SMC6: variants seen among roughly 807,000 people sequenced by gnomAD.
The protein encoded by SMC6 is structural maintenance of chromosomes protein 6.
A neutral mutation model predicts 142.2 loss-of-function variants in SMC6; 79 were observed. The observed-to-expected ratio is 0.56, with a 90% CI of 0.46 to 0.67. The LOEUF is 0.67. Among genes scored for constraint, SMC6 ranks in the 30% least tolerant of loss-of-function variants. The pLI, the probability that SMC6 is intolerant of heterozygous loss-of-function variation, is 0.00. For missense variants in SMC6, 1,072 were observed against 1,284.0 expected (o/e 0.83, Z 2.52); for synonymous variants, 411 against 412.4 (o/e 1.00, Z 0.04).
intron 6 of SMC6, 112 bp from the exon 7 acceptor site, chr2:17,731,251 A>T (rs1404633847): frequency 1.4e-6 from 1 of 707,284 alleles, no homozygotes; most frequent in Non-Finnish European, 2.4e-6. Context: ...TGCATCATCA[A>T]GAAAGGTACC....
chr2:17,749,951 T>C (rs1440524435), intron 2 of SMC6, among the ~76,000 whole-genome samples: 3 of 152,250 alleles, frequency 2.0e-5, no homozygotes, highest in Non-Finnish European at 4.4e-5. Flanking sequence ...TACCACATCC[T>C]CAATTCTACT....
At chr2:17,718,371 A>C (rs990026113) in intron 11 of SMC6, 148 bp from the exon 12 acceptor site, 3 of 466,142 alleles carry the variant, frequency 6.4e-6, no homozygotes, top group Non-Finnish European at 7.1e-6. Context: ...TATATAAAAT[A>C]CTATAATATA....
chr2:17,721,289 AT>A (rs1237720450), intron 9 of SMC6, 28 bp from the exon 10 acceptor site: 2 of 1,527,426 alleles, frequency 1.3e-6, no homozygotes, highest in East Asian at 2.3e-5. Context: ...GAACGGACGT[AT>A]TTTTTATTAA....
At chr2:17,714,833 G>A (rs1668999728) in intron 16 of SMC6, 28 bp downstream of exon 16, 1 of 1,602,268 alleles carries the variant, frequency 6.2e-7, no homozygotes, top group African/African-American at 1.3e-5. Flanking sequence ...AGCAAAGCCA[G>A]AAACATATTC....
Position 17,731,062 on chromosome 2 carries a change from C to T in SMC6, c.543+16G>A, listed in dbSNP as rs767712076. ...AAGGTGTATGAATTAATCTGAAACA[C>T]AAATTCACCAATTACCTGGATGTTA... On this transcript the variant is annotated intron_variant, in intron 7 of 27. Coordinates refer to ENST00000448223, the MANE Select transcript of SMC6 (RefSeq NM_001142286.2). The T allele has an allele frequency of 6.2e-7, 1 of 1,600,054 alleles. No individual in the cohort carries two copies.
intron 1 of SMC6, among the ~76,000 whole-genome samples, chr2:17,753,294 TAC>T (rs958779601): frequency 3.2e-5 from 2 of 61,634 alleles, no homozygotes; most frequent in African/African-American, 1.9e-4. Context: ...CTCCCCGCTT[TAC>T]AGTTATTCGC....
chr2:17,742,812 C>T (rs928290466), intron 3 of SMC6, among the ~76,000 whole-genome samples: 6 of 152,088 alleles, frequency 3.9e-5, no homozygotes, highest in Non-Finnish European at 7.4e-5. Context: ...ACTCAGTTTC[C>T]GCCCATTGTA....
rs749046123 is a variant in SMC6 at position 17,718,211 on chromosome 2, C to T, written c.958G>A (p.Glu320Lys). 1.1e-5 allele frequency: 17 copies of T among 1,598,378 alleles called. 2 individuals carry two copies. In the South Asian group the frequency reaches 2.0e-4, roughly 18 times the overall value. The part of the protein sequence containing the change: ...KMEEQQVRLN[E>K]AEQKYKDIQD... The stretch of plus-strand genomic sequence containing the variant: ...ATATCCTTGTACTTTTGTTCTGCCT[C>T]ATTAAGTCTGACCTTTAAGAAAATA... Residue 320 changes from glutamate to lysine, a missense_variant, in exon 12 of 28, where the codon GAG (glutamate) becomes AAG (lysine). Coordinates refer to ENST00000448223, the MANE Select transcript of SMC6 (RefSeq NM_001142286.2).
rs1668672801 is a variant in SMC6 at position 17,708,728 on chromosome 2, T to C, written c.1756A>G (p.Thr586Ala). The change falls in exon 17 of 28, where the codon ACA becomes GCA. Residue 586 changes from threonine (T) to alanine (A), a missense_variant. Thr to Ala is a moderately conservative substitution (Grantham distance 58). Around this residue, in one of 3 missense-constraint regions of SMC6, gnomAD observed 994 missense variants for 1,153.2 expected, o/e 0.86. Transcript: ENST00000448223. ...TCTATTTCTAAAGCTGTCAGAACTG[T>C]TGGAAAGTCTGGATGATAAGCAGCT... ...HRAAYHPDFP[T>A]VLTALEIDNA... The C allele has an allele frequency of 1.9e-6, 3 of 1,542,338 alleles. No homozygotes were observed. The highest frequency in any genetic ancestry group is 2.6e-6 in the Non-Finnish European group (3 of 1,142,660).
Position 17,726,390 on chromosome 2 carries a change from T to C in SMC6, c.623A>G (p.Lys208Arg), listed in dbSNP as rs751802647. ...TATATTTACTTTGGTGCCACTTACT[T>C]TGTATTTGTCTCCTTCATTTTTAGA... is the stretch of plus-strand genomic sequence containing the variant. ...LQSKNEGDKY[K>R]FFMKATQLEQ... The change falls in exon 8 of 28, where the codon AAA (lysine) becomes AGA (arginine). Residue 208 changes from lysine to arginine, a missense_variant and splice_region_variant. Transcript: ENST00000448223. The C allele has an allele frequency of 2.5e-6, 4 of 1,608,990 alleles. No individual in the cohort carries two copies. The highest frequency in any genetic ancestry group is 1.1e-5 in the South Asian group (1 of 90,118).
intron 11 of SMC6, among the ~76,000 whole-genome samples, chr2:17,719,347 T>C (rs1043165592): frequency 2.0e-5 from 3 of 152,254 alleles, no homozygotes; most frequent in African/African-American, 7.2e-5. Flanking sequence ...ACAGTCATTC[T>C]ACAAGCAATA....
intron 21 of SMC6, among the ~76,000 whole-genome samples, chr2:17,698,240 A>T (rs998298105): frequency 2.4e-4 from 37 of 152,158 alleles, no homozygotes; most frequent in Admixed American, 7.2e-4. Flanking sequence ...TACATGAAAA[A>T]TCATTGAATT....
chr2:17,666,598 A>T (rs1406102048), intron 26 of SMC6, 81 bp from the exon 27 acceptor site: 3 of 982,028 alleles, frequency 3.1e-6, no homozygotes, highest in Non-Finnish European at 4.8e-6. Flanking sequence ...GGCTGATACA[A>T]GCTCCTGGAT....
At chr2:17,695,611 T>C (rs1161741378) in intron 22 of SMC6, among the ~76,000 whole-genome samples, 1 of 152,188 alleles carries the variant, frequency 6.6e-6, no homozygotes, top group Non-Finnish European at 1.5e-5. Flanking sequence ...AGGTGAGATG[T>C]AGGTTTCCAC....
At chr2:17,725,763 G>A (rs895412129) in intron 8 of SMC6, among the ~76,000 whole-genome samples, 1 of 152,108 alleles carries the variant, frequency 6.6e-6, no homozygotes, top group Non-Finnish European at 1.5e-5. Flanking sequence ...TAGCAGTATA[G>A]TCAAGTATTT....
chr2:17,685,359 T>C (rs933425186), intron 23 of SMC6, among the ~76,000 whole-genome samples: 32 of 145,110 alleles, frequency 2.2e-4, no homozygotes, highest in Non-Finnish European at 3.9e-4. Context: ...CAGGACATAA[T>C]AGACAAACAC....
chr2:17,670,391 A>C, intron 26 of SMC6, 32 bp downstream of exon 26: 1 of 1,583,274 alleles, frequency 6.3e-7, no homozygotes, highest in South Asian at 1.2e-5. Flanking sequence ...CAAACAAAAA[A>C]ATGAAAAAGA....
At chr2:17,679,024 T>G in intron 24 of SMC6, 60 bp from the exon 25 acceptor site, 1 of 1,137,930 alleles carries the variant, frequency 8.8e-7, no homozygotes, top group East Asian at 2.4e-5. Flanking sequence ...AAAACTATAT[T>G]CAGCATGATC....
At chr2:17,701,206 G>A (rs1305064960) in intron 20 of SMC6, among the ~76,000 whole-genome samples, 1 of 151,914 alleles carries the variant, frequency 6.6e-6, no homozygotes, top group East Asian at 1.9e-4. Flanking sequence ...ATTCCATTTT[G>A]CGCACTGCTG....
Sources: gnomAD v4.1 joint callset for allele counts (sites outside exome capture counted in the v4.1 genomes callset) on GRCh38, gnomAD v4.1.1 for gene constraint, gnomAD v4.1.1 regional missense constraint, MANE v1.5 for transcripts, NCBI Gene and HGNC (gene_info 2026-07-23, HGNC 2026-07-21) for gene names.